Variants in CNTNAP4 observed in about 807,000 individuals in gnomAD.
The protein encoded by CNTNAP4 is contactin-associated protein-like 4.
Under a neutral mutation model 148.4 loss-of-function variants are expected in CNTNAP4, and 98 were observed. The observed-to-expected ratio is 0.66, with a 90% CI of 0.56 to 0.78. The LOEUF is 0.78. Among genes scored for constraint, CNTNAP4 ranks in the 30% least tolerant of loss-of-function variants. CNTNAP4 has a pLI of 0.00. For missense variants in CNTNAP4, 1,935 were observed against 1,565.6 expected (o/e 1.24, Z -3.98); for synonymous variants, 730 against 565.1 (o/e 1.29, Z -4.14).
At position 76,325,196 on chromosome 16, in the gene CNTNAP4, C is replaced by T. The variant is rs373693410; in HGVS notation, c.196+8673C>T. Among the ~76,000 whole-genome samples the T allele has an allele frequency of 2.0e-3, 297 of 152,116 alleles. 1 individual carries two copies. Among genetic ancestry groups the T allele is most frequent in the Middle Eastern group, 6.8e-3 (2 of 294 alleles). The stretch of plus-strand genomic sequence containing the variant: ...GAAATACAAAATTGTTAATGTATAT[C>T]ATTCTGTAGCTTATTGAACAAGTAG... On this transcript the variant is annotated intron_variant, in intron 2 of 23. Transcript: ENST00000611870.
In CNTNAP4 at chr16:76,560,056, A is replaced by G. The variant is rs1042701403; in HGVS notation, c.*1373A>G. 6.6e-5 allele frequency among the ~76,000 whole-genome samples: 10 copies of G among 152,204 alleles called. No homozygotes were observed. The East Asian group carries it at 1.9e-3, about 29-fold the overall frequency. Reference sequence around the variant, plus strand: ...ACACTAGGAGATCAAAGAATGATCAATAACCTTATGGAACTGTTACAATAA... The same window carrying G: ...ACACTAGGAGATCAAAGAATGATCAGTAACCTTATGGAACTGTTACAATAA... On this transcript the variant is annotated 3_prime_UTR_variant, in exon 24 of 24. Transcript: ENST00000611870.
chr16:76,443,434 A>G (rs1310575539), intron 4 of CNTNAP4, among the ~76,000 whole-genome samples: 1 of 152,124 alleles, frequency 6.6e-6, no homozygotes, highest in Non-Finnish European at 1.5e-5. Context: ...AAATACAAAA[A>G]ATTAGCTGGA....
chr16:76,424,958 A>G (rs1014646990), intron 3 of CNTNAP4, among the ~76,000 whole-genome samples: 1 of 152,136 alleles, frequency 6.6e-6, no homozygotes, highest in Admixed American at 6.5e-5. Flanking sequence ...CGGGATTGCC[A>G]TAGAAATTGA....
rs1057308413 is a variant in CNTNAP4, at chr16:76,494,919, C to T, written c.2090C>T (p.Pro697Leu). The change falls in exon 14 of 24, where the codon CCT becomes CTT. Residue 697 changes from proline (P) to leucine (L), a missense_variant. Pro to Leu is a moderately conservative substitution (Grantham distance 98). Coordinates refer to ENST00000611870, the MANE Select transcript of CNTNAP4 (RefSeq NM_033401.5). The stretch of plus-strand genomic sequence containing the variant: ...CACGTTTTTCTTTCAGATGGAACCC[C>T]TCTGAGTTGGTGGGTAGGAAGAACC... ...SRLVNKQDGT[P>L]LSWWVGRTNE... is the part of the protein sequence containing the mutation. The T allele has an allele frequency of 3.7e-6, 6 of 1,613,072 alleles. No individual in the cohort carries two copies. In the African/African-American group the frequency reaches 8.0e-5, roughly 22 times the overall value.
chr16:76,345,302 C>G (rs892298393), intron 2 of CNTNAP4, among the ~76,000 whole-genome samples: 2 of 152,164 alleles, frequency 1.3e-5, no homozygotes, highest in Non-Finnish European at 2.9e-5. Flanking sequence ...CTCTTAGGCT[C>G]TGACTGTTGA....
intron 3 of CNTNAP4, among the ~76,000 whole-genome samples, chr16:76,412,177 A>G (rs2078821900): frequency 6.6e-6 from 1 of 151,486 alleles, no homozygotes; most frequent in African/African-American, 2.4e-5. Flanking sequence ...TAATGAAAAT[A>G]AGTAAAAGTA....
intron 15 of CNTNAP4, among the ~76,000 whole-genome samples, chr16:76,513,066 C>T (rs2083090777): frequency 6.6e-6 from 1 of 152,022 alleles, no homozygotes. Flanking sequence ...AGTATGATCA[C>T]GAGAGTGGGG....
chr16:76,495,125 C>A (rs565428887), intron 14 of CNTNAP4, 59 bp downstream of exon 14: 1 of 1,569,520 alleles, frequency 6.4e-7, no homozygotes, highest in Non-Finnish European at 8.7e-7. Flanking sequence ...ATTAATCACT[C>A]AAAGTATGTA....
At chr16:76,424,935 T>G (rs1287961936) in intron 3 of CNTNAP4, among the ~76,000 whole-genome samples, 1 of 152,130 alleles carries the variant, frequency 6.6e-6, no homozygotes. Flanking sequence ...AATCGATTTT[T>G]TAGGTGAATC....
chr16:76,517,966 G>C (rs1399179596), intron 15 of CNTNAP4, among the ~76,000 whole-genome samples: 1 of 152,012 alleles, frequency 6.6e-6, no homozygotes, highest in East Asian at 1.9e-4. Context: ...ATAGTACTAA[G>C]TTAATTTTCC....
chr16:76,300,071 C>G (rs560289013), intron 1 of CNTNAP4, among the ~76,000 whole-genome samples: 1 of 152,100 alleles, frequency 6.6e-6, no homozygotes, highest in Admixed American at 6.6e-5. Flanking sequence ...GTGCAGCACA[C>G]CAACACGGCG....
At chr16:76,475,138 C>T (rs11645109) in intron 10 of CNTNAP4, among the ~76,000 whole-genome samples, 22,916 of 151,582 alleles carry the variant, frequency 0.15, 2,110 homozygotes, top group South Asian at 0.3. Context: ...GATTGTGCCA[C>T]TGCACACCAA....
Position 76,559,701 on chromosome 16 carries a change from C to G in CNTNAP4, c.*1018C>G, listed in dbSNP as rs1236153146. On this transcript the variant is annotated 3_prime_UTR_variant, in exon 24 of 24. Transcript: ENST00000611870. ...GCCTTGATCTTCAATGATTATACTT[C>G]ACGAATCATCTTATATATTACCAAA... Among the ~76,000 whole-genome samples the G allele has an allele frequency of 6.6e-6, 1 of 152,070 alleles. No homozygotes were observed. Among genetic ancestry groups the G allele is most frequent in the Non-Finnish European group, 1.5e-5 (1 of 68,016 alleles).
At chr16:76,475,903 A>T (rs567047939) in intron 10 of CNTNAP4, 36 bp from the exon 11 acceptor site, 2 of 1,476,548 alleles carry the variant, frequency 1.4e-6, no homozygotes, top group South Asian at 2.3e-5. Context: ...ATATCTAAAA[A>T]TGGAAACTGG....
At chr16:76,448,340 A>G (rs759933632) in intron 5 of CNTNAP4, 125 bp downstream of exon 5, 85 of 644,076 alleles carry the variant, frequency 1.3e-4, no homozygotes, top group Non-Finnish European at 1.9e-4. Context: ...GGGCTTGTAC[A>G]TATGTCAATA....
intron 3 of CNTNAP4, among the ~76,000 whole-genome samples, chr16:76,397,939 TATATAC>T (rs1442847888): frequency 0.58 from 1,050 of 1,796 alleles, 310 homozygotes; most frequent in Non-Finnish European, 0.66. Context: ...ACTAATAGAT[TATATAC>T]ATATATATAT....
At chr16:76,420,370 C>T (rs150256023) in intron 3 of CNTNAP4, among the ~76,000 whole-genome samples, 2 of 137,776 alleles carry the variant, frequency 1.5e-5, no homozygotes, top group African/African-American at 2.5e-5. Flanking sequence ...AATGAATAGA[C>T]AATTTTAGGC....
Position 76,453,576 on chromosome 16 carries a change from T to G in CNTNAP4, c.1333+807T>G, listed in dbSNP as rs1023691814. Among the ~76,000 whole-genome samples the G allele has an allele frequency of 2.0e-5, 3 of 152,298 alleles. No individual in the cohort carries two copies. The South Asian group carries it at 6.2e-4, about 32-fold the overall frequency. On this transcript the variant is annotated intron_variant, in intron 8 of 23. Transcript: ENST00000611870. Reference sequence around the variant, plus strand: ...CCTTGGGGTAAATTACTACATTAATTTAATAAATAATCTTTAAAAACAACT... The same window carrying G: ...CCTTGGGGTAAATTACTACATTAATGTAATAAATAATCTTTAAAAACAACT...
intron 12 of CNTNAP4, among the ~76,000 whole-genome samples, chr16:76,488,512 G>A (rs191077028): frequency 2.0e-5 from 3 of 152,296 alleles, no homozygotes; most frequent in African/African-American, 7.2e-5. Flanking sequence ...GAATGGGAAT[G>A]AAATTTTCAA....
Sources: allele counts gnomAD v4.1 joint callset (sites outside exome capture counted in the v4.1 genomes callset), GRCh38; gene constraint gnomAD v4.1.1; transcripts MANE v1.5; gene names NCBI Gene and HGNC (gene_info 2026-07-23, HGNC 2026-07-21).